Variants in KPTN observed in about 807,000 individuals in gnomAD.
The protein encoded by KPTN is KICSTOR complex protein kaptin.
KPTN carries 36 observed loss-of-function variants against 52.6 expected under a neutral mutation model. The ratio of observed to expected loss-of-function variants is 0.68; its 90% CI spans 0.52 to 0.90. The LOEUF (loss-of-function observed/expected upper bound fraction) is 0.90. Among genes scored for constraint, KPTN ranks in the 40% least tolerant of loss-of-function variants. The pLI, the probability that KPTN is intolerant of heterozygous loss-of-function variation, is 0.00. For missense variants in KPTN, 529 were observed against 576.2 expected (o/e 0.92, Z 0.84); for synonymous variants, 271 against 248.4 (o/e 1.09, Z -0.85).
In KPTN at chr19:47,475,493, C is replaced by T. The variant is rs1967632751; in HGVS notation, c.1234G>A (p.Val412Met). The T allele has an allele frequency of 1.2e-6, 2 of 1,613,560 alleles. No homozygotes were observed. The highest frequency in any genetic ancestry group is 1.7e-4 in the Middle Eastern group (1 of 6,058). Reference sequence around the variant, plus strand: ...TGTAGCCGACGTCTCCTCTGCTCCACTTGATGTCGAAGCCGGGTCAAGACC... The same window carrying T: ...TGTAGCCGACGTCTCCTCTGCTCCATTTGATGTCGAAGCCGGGTCAAGACC... ...ELVLTRLRHQ[V>M]EQRRRRLQGL... Residue 412 changes from valine to methionine, a missense_variant, in exon 12 of 12, where the codon GTG (valine) becomes ATG (methionine). Val to Met is a conservative substitution (Grantham distance 21). Coordinates refer to ENST00000338134, the MANE Select transcript of KPTN (RefSeq NM_007059.4).
chr19:47,475,660 C>T, intron 11 of KPTN, 116 bp from the exon 12 acceptor site: 1 of 1,227,666 alleles, frequency 8.1e-7, no homozygotes, highest in Non-Finnish European at 1.2e-6. Context: ...CGTGGGAGGG[C>T]AGAGAGCAGA....
chr19:47,484,422 G>A, upstream of KPTN: 1 of 543,942 alleles, frequency 1.8e-6, no homozygotes, highest in Non-Finnish European at 3.3e-6. Context: ...TCTGTGACTA[G>A]AGATGGGAGG....
intron 4 of KPTN, among the ~76,000 whole-genome samples, chr19:47,481,880 G>C (rs1044217893): frequency 1.3e-5 from 2 of 152,140 alleles, no homozygotes; most frequent in Admixed American, 1.3e-4. Context: ...CTAGCACCTT[G>C]GTATTCTAGA....
At chr19:47,480,179 A>C in intron 7 of KPTN, 119 bp downstream of exon 7, 13 of 284,714 alleles carry the variant, frequency 4.6e-5, no homozygotes, top group Non-Finnish European at 7.2e-5. Context: ...CCCCACCCTC[A>C]TCCCTCAACC....
chr19:47,483,370 C>T lies in KPTN; in HGVS notation c.319G>A (p.Asp107Asn). 5.6e-6 allele frequency: 9 copies of T among 1,613,932 alleles called. No homozygotes were observed. The highest frequency in any genetic ancestry group is 5.9e-6 in the Non-Finnish European group (7 of 1,179,976). ...VGITFIKDSG[D>N]KGSPFLNIYC... ...ATGTTCAGGAAGGGGCTGCCCTTGTCCCCTGAATCCTGGCGGAGGACACGG... is the reference window on the plus strand; with the variant it reads ...ATGTTCAGGAAGGGGCTGCCCTTGTTCCCTGAATCCTGGCGGAGGACACGG... Residue 107 changes from aspartate (D) to asparagine (N), a missense_variant, in exon 3 of 12, where the codon GAC becomes AAC. By Grantham distance (23) the Asp-to-Asn change is conservative. Transcript: ENST00000338134.
intron 9 of KPTN, 62 bp from the exon 10 acceptor site, chr19:47,477,000 G>A (rs941051182): frequency 4.4e-5 from 66 of 1,514,500 alleles, no homozygotes; most frequent in Middle Eastern, 2.1e-4. Context: ...CACCCTTGGC[G>A]GATGCTAAGC....
At position 47,483,559 on chromosome 19, in the gene KPTN, G is replaced by A; in HGVS notation, c.252C>T (p.Asp84=). The A allele has an allele frequency of 1.3e-6, 2 of 1,567,784 alleles. No individual in the cohort carries two copies. Among genetic ancestry groups the A allele is most frequent in the African/African-American group, 1.4e-5 (1 of 73,824 alleles). ...GCTTGGGGGGTGACTTGTTGAAAGT[G>A]TCGATGGAGACAATCTCCGCATCCA... The part of the protein sequence containing the change: ...IPVDAEIVSI[D]TFNKSPPKRG... The change falls in exon 2 of 12, where the codon GAC becomes GAT. Residue 84 remains aspartate, a synonymous_variant. Coordinates refer to ENST00000338134, the MANE Select transcript of KPTN (RefSeq NM_007059.4).
intron 4 of KPTN, among the ~76,000 whole-genome samples, 200 bp from the exon 5 acceptor site, chr19:47,481,233 T>G (rs1967870514): frequency 6.6e-6 from 1 of 152,142 alleles, no homozygotes; most frequent in African/African-American, 2.4e-5. Context: ...AAACGAGCCC[T>G]CATAGAATCT....
chr19:47,484,059 G>A lies in KPTN; in HGVS notation c.102C>T (p.Gly34=), dbSNP rs377099246. 2.5e-4 allele frequency: 398 copies of A among 1,610,160 alleles called. No homozygotes were observed. The highest frequency in any genetic ancestry group is 3.2e-4 in the Non-Finnish European group (376 of 1,179,716). ...SQSNVYGLAG[G]AGGRGELLAA... is the part of the protein sequence containing the mutation. The stretch of plus-strand genomic sequence containing the variant: ...CCAGCAGCTCCCCGCGCCCGCCGGC[G>A]CCGCCTGCCAGCCCGTACACATTGC... Residue 34 remains glycine (G), a synonymous_variant, in exon 1 of 12, where the codon GGC becomes GGT. Coordinates refer to ENST00000338134, the MANE Select transcript of KPTN (RefSeq NM_007059.4).
At chr19:47,477,476 C>T (rs1967710870) in intron 9 of KPTN, among the ~76,000 whole-genome samples, 1 of 152,166 alleles carries the variant, frequency 6.6e-6, no homozygotes, top group Non-Finnish European at 1.5e-5. Context: ...ATACCTACTA[C>T]ATCTACTCCA....
At chr19:47,478,583 A>AAAAAAAAAAAAAAAAAAC (rs1445455276) in intron 8 of KPTN, among the ~76,000 whole-genome samples, 1 of 151,070 alleles carries the variant, frequency 6.6e-6, no homozygotes, top group Non-Finnish European at 1.5e-5. Flanking sequence ...AAAAAAAAAA[A>AAAAAAAAAAAAAAAAAAC]AAAAAGACAT....
At position 47,480,346 on chromosome 19, in the gene KPTN, A is replaced by G. The variant is rs1332035740; in HGVS notation, c.661T>C (p.Cys221Arg). The stretch of plus-strand genomic sequence containing the variant: ...GCGACACGGACATAACCACTCTGAC[A>G]GCCCAGAGCTGAGAGGCGCCGGGAC... ...GTSRRLSALG[C>R]QSGYVRVAHV... Residue 221 changes from cysteine (C) to arginine (R), a missense_variant, in exon 7 of 12, where the codon TGT becomes CGT. Transcript: ENST00000338134. 11 of 1,548,736 alleles carry G rather than the reference A, an allele frequency of 7.1e-6. No homozygotes were observed. The highest frequency in any genetic ancestry group is 9.6e-6 in the Non-Finnish European group (11 of 1,146,152).
In KPTN at chr19:47,479,908, C is replaced by A. The variant is rs773728340; in HGVS notation, c.742G>T (p.Gly248Cys). The change falls in exon 8 of 12, where the codon GGT (glycine) becomes TGT (cysteine). Residue 248 changes from glycine (G) to cysteine (C), a missense_variant. By Grantham distance (159) the Gly-to-Cys change is radical (BLOSUM62 -3). Transcript: ENST00000338134. ...AACACAATCACTCGGGAGATGGGAC[C>A]GTCCTGCAGGACCGACCACATCTGC... ...VLQMWSVLQD[G>C]PISRVIVFSL... The A allele has an allele frequency of 1.2e-6, 2 of 1,612,834 alleles. No individual in the cohort carries two copies. The highest frequency in any genetic ancestry group is 2.7e-5 in the African/African-American group (2 of 74,826).
Position 47,483,562 on chromosome 19 carries a change from G to C in KPTN, c.249C>G (p.Ile83Met). Residue 83 changes from isoleucine (I) to methionine (M), a missense_variant, in exon 2 of 12, where the codon ATC becomes ATG. Physicochemically the swap from Ile to Met is conservative, Grantham distance 10. Transcript: ENST00000338134. ...YIPVDAEIVSIDTFNKSPPKR... is the reference protein window; with the variant it reads ...YIPVDAEIVSMDTFNKSPPKR... ...TGGGGGGTGACTTGTTGAAAGTGTC[G>C]ATGGAGACAATCTCCGCATCCACTG... The C allele has an allele frequency of 6.4e-7, 1 of 1,565,758 alleles. No individual in the cohort carries two copies. Among genetic ancestry groups the C allele is most frequent in the Non-Finnish European group, 8.7e-7 (1 of 1,154,540 alleles).
chr19:47,477,770 T>C lies in KPTN; in HGVS notation c.799A>G (p.Arg267Gly), dbSNP rs752619206. 6.2e-6 allele frequency: 10 copies of C among 1,612,934 alleles called. No homozygotes were observed. The highest frequency in any genetic ancestry group is 8.5e-6 in the Non-Finnish European group (10 of 1,179,170). The change falls in exon 9 of 12, where the codon AGG (arginine) becomes GGG (glycine). Residue 267 changes from arginine to glycine, a missense_variant. Coordinates refer to ENST00000338134, the MANE Select transcript of KPTN (RefSeq NM_007059.4). Reference protein sequence around the residue: ...SLSAAKETKDRPLQDEYSVLV... With the variant: ...SLSAAKETKDGPLQDEYSVLV... ...ACGCTGTACTCATCTTGTAGTGGCC[T>C]GTCCTTGGTCTCTGGAGAAGAAACA...
chr19:47,476,396 T>A, intron 11 of KPTN, 136 bp downstream of exon 11: 12 of 322,712 alleles, frequency 3.7e-5, no homozygotes, highest in Admixed American at 8.4e-5. Flanking sequence ...CAGCTGCCCC[T>A]TTCTCCTGGG....
chr19:47,478,802 C>T (rs1255954271), intron 8 of KPTN, among the ~76,000 whole-genome samples: 1 of 151,914 alleles, frequency 6.6e-6, no homozygotes, highest in Non-Finnish European at 1.5e-5. Context: ...AGTGGAAAAC[C>T]AAAAAATGTA....
At chr19:47,484,267 C>A (rs1374423955), upstream of KPTN, 5 of 1,359,504 alleles carry the variant, frequency 3.7e-6, no homozygotes, top group African/African-American at 5.8e-5. Context: ...GTTGCGCGGG[C>A]TGATGACGTA....
In KPTN at chr19:47,480,372, G is replaced by A. The variant is rs776353134; in HGVS notation, c.635C>T (p.Thr212Met). The change falls in exon 7 of 12, where the codon ACG becomes ATG. Residue 212 changes from threonine to methionine, a missense_variant. By Grantham distance (81) the Thr-to-Met change is moderately conservative. Transcript: ENST00000338134. ...GCCCAGAGCTGAGAGGCGCCGGGAC[G>A]TGCCGGGGAAGTTGTGGACGTCCAG... ...LWLDVHNFPG[T>M]SRRLSALGCQ... The A allele has an allele frequency of 2.6e-5, 40 of 1,549,208 alleles. No homozygotes were observed. In the Admixed American group the frequency reaches 6.1e-4, roughly 24 times the overall value.
Sources: gnomAD v4.1 joint callset for allele counts (sites outside exome capture counted in the v4.1 genomes callset) on GRCh38, gnomAD v4.1.1 for gene constraint, MANE v1.5 for transcripts, NCBI Gene and HGNC (gene_info 2026-07-23, HGNC 2026-07-21) for gene names.